Variants in ZGPAT observed in about 807,000 individuals in gnomAD.
ZGPAT encodes zinc finger CCCH-type and G-patch domain containing, also known as zinc finger CCCH-type with G patch domain-containing protein.
In ZGPAT, 39 loss-of-function variants were observed where a neutral mutation model predicts 47.9. That is an observed-to-expected ratio of 0.81 (90% CI 0.63 to 1.06). The LOEUF is 1.06. ZGPAT is among the 50% of genes least tolerant of loss of function. The probability of loss-of-function intolerance (pLI) is 0.00; values close to 1 mark genes in which losing one functional copy is unlikely to be tolerated. For synonymous variants in ZGPAT, 348 were observed against 292.9 expected (o/e 1.19, Z -1.92); for missense variants, 717 against 681.4 (o/e 1.05, Z -0.58).
At chr20:63,720,771 C>T (rs1009534312) in intron 2 of ZGPAT, among the ~76,000 whole-genome samples, 1 of 152,122 alleles carries the variant, frequency 6.6e-6, no homozygotes, top group African/African-American at 2.4e-5. Flanking sequence ...TTCTTTATTT[C>T]CGGTGAATGG....
intron 2 of ZGPAT, among the ~76,000 whole-genome samples, chr20:63,717,183 C>A (rs908425507): frequency 6.6e-6 from 1 of 152,068 alleles, no homozygotes; most frequent in African/African-American, 2.4e-5. Flanking sequence ...TGTTGCTGAT[C>A]TCTATTGTTT....
Position 63,722,642 on chromosome 20 carries a change from AT to A in ZGPAT, c.585-10566del, listed in dbSNP as rs112084216. Among the ~76,000 whole-genome samples, 947 of 146,112 alleles carry A rather than the reference AT, an allele frequency of 6.5e-3. 9 individuals carry two copies. Among genetic ancestry groups the A allele is most frequent in the African/African-American group, 0.02 (795 of 40,048 alleles). ...ACTAACTTAACACTTAAAGTACAGC[AT>A]TTTTTTTTTTATGGAGTTTCACTCT... On this transcript the variant is annotated intron_variant, in intron 2 of 6. Transcript: ENST00000355969.
Position 63,734,793 on chromosome 20 carries a change from C to T in ZGPAT, c.960C>T (p.Leu320=). Reference sequence around the variant, plus strand: ...ACACGCGAGGTATAGGCTCCAGACTCCTCACCAAGATGGGCTATGAGTTTG... The same window carrying T: ...ACACGCGAGGTATAGGCTCCAGACTTCTCACCAAGATGGGCTATGAGTTTG... ...EVHTRGIGSR[L]LTKMGYEFGK... Residue 320 remains leucine, a synonymous_variant, in exon 5 of 7, where the codon CTC becomes CTT. Coordinates refer to ENST00000355969, the MANE Select transcript of ZGPAT (RefSeq NM_181485.3). 3 of 1,608,216 alleles carry T rather than the reference C, an allele frequency of 1.9e-6. No homozygotes were observed. The highest frequency in any genetic ancestry group is 1.7e-6 in the Non-Finnish European group (2 of 1,177,140).
chr20:63,712,179 T>C (rs1352624958), intron 2 of ZGPAT, among the ~76,000 whole-genome samples: 3 of 152,210 alleles, frequency 2.0e-5, no homozygotes, highest in Non-Finnish European at 4.4e-5. Context: ...TTAATTTTTG[T>C]ATATGTTATT....
rs377765852 is a variant in ZGPAT, at chr20:63,733,352, G to T, written c.718G>T (p.Asp240Tyr). ...DGLWHAARIT[D>Y]VDNGYYTVKF... Reference sequence around the variant, plus strand: ...CCTCTGGCACGCAGCACGCATCACCGGTGAGGCTGGCCGTGGGGGCCTCCC... The same window carrying T: ...CCTCTGGCACGCAGCACGCATCACCTGTGAGGCTGGCCGTGGGGGCCTCCC... Residue 240 changes from aspartate to tyrosine, a missense_variant and splice_region_variant, in exon 3 of 7, where the codon GAT becomes TAT. Transcript: ENST00000355969. 2.9e-5 allele frequency: 47 copies of T among 1,609,968 alleles called. No individual in the cohort carries two copies. The highest frequency in any genetic ancestry group is 4.0e-5 in the Non-Finnish European group (47 of 1,179,318).
chr20:63,729,891 C>T (rs982216810), intron 2 of ZGPAT, among the ~76,000 whole-genome samples: 2 of 151,912 alleles, frequency 1.3e-5, no homozygotes, highest in African/African-American at 4.8e-5. Flanking sequence ...CATGGTGGCA[C>T]ACTCCCATAG....
Position 63,722,518 on chromosome 20 carries a change from C to A in ZGPAT, c.585-10701C>A, listed in dbSNP as rs111229171. On this transcript the variant is annotated intron_variant, in intron 2 of 6. Transcript: ENST00000355969. ...ATTTTGGTGATATCCAGCTCTGTTG[C>A]TGAATTTTTAGCTATGCTGTTTTAA... Among the ~76,000 whole-genome samples, 520 of 152,236 alleles carry A rather than the reference C, an allele frequency of 3.4e-3. 4 individuals are homozygous for A. The highest frequency in any genetic ancestry group is 0.012 in the African/African-American group (501 of 41,526).
chr20:63,735,860 G>A lies in ZGPAT; in HGVS notation c.1477G>A (p.Ala493Thr). ...RQLGQLRAQEAGLQQEQRKAD... is the reference protein window; with the variant it reads ...RQLGQLRAQETGLQQEQRKAD... ...GCTGGGGCAGCTCCGGGCTCAGGAA[G>A]CCGGCCTGCAGCAGGAGCAGAGGAA... is the stretch of plus-strand genomic sequence containing the variant. Residue 493 changes from alanine (A) to threonine (T), a missense_variant, in exon 7 of 7, where the codon GCC becomes ACC. Ala to Thr is a moderately conservative substitution (Grantham distance 58, BLOSUM62 0). Transcript: ENST00000355969. 1.2e-6 allele frequency: 2 copies of A among 1,612,900 alleles called. No individual in the cohort carries two copies. Among genetic ancestry groups the A allele is most frequent in the Non-Finnish European group, 1.7e-6 (2 of 1,179,932 alleles).
intron 2 of ZGPAT, among the ~76,000 whole-genome samples, chr20:63,717,249 T>C (rs1337962288): frequency 6.6e-6 from 1 of 152,110 alleles, no homozygotes; most frequent in Non-Finnish European, 1.5e-5. Context: ...TTTCTGCTGG[T>C]TTGGGTTTAA....
intron 2 of ZGPAT, among the ~76,000 whole-genome samples, chr20:63,720,604 A>G (rs1417602343): frequency 1.3e-5 from 2 of 152,106 alleles, no homozygotes; most frequent in Non-Finnish European, 2.9e-5. Flanking sequence ...AGCATGTGCC[A>G]CCATGCCTGG....
In ZGPAT at chr20:63,734,139, C is replaced by G. The variant is rs6011069; in HGVS notation, c.871+400C>G. On this transcript the variant is annotated intron_variant, in intron 4 of 6. Coordinates refer to ENST00000355969, the MANE Select transcript of ZGPAT (RefSeq NM_181485.3). ...GCAGACAGAGGTTGTGTCCAGACAGCCAGCATGGAAGTTTCGGGAATGGGA... is the reference window on the plus strand; with the variant it reads ...GCAGACAGAGGTTGTGTCCAGACAGGCAGCATGGAAGTTTCGGGAATGGGA... The G allele has an allele frequency of 5.0e-5, 14 of 278,550 alleles. 1 individual carries two copies. The highest frequency in any genetic ancestry group is 3.1e-4 in the African/African-American group (14 of 44,966). The allele number at this position is 278,550 out of a possible 1,614,324, so 17.3% of individuals were successfully genotyped here. A position where few individuals can be genotyped will look rare whatever the true frequency, so the allele number is the denominator to read the frequency against.
chr20:63,711,444 G>A (rs2091666764), intron 2 of ZGPAT, among the ~76,000 whole-genome samples: 1 of 152,162 alleles, frequency 6.6e-6, no homozygotes, highest in Admixed American at 6.6e-5. Flanking sequence ...GGCTCAGAGG[G>A]CTCCGGTTGC....
chr20:63,709,718 A>G (rs1200129668), intron 2 of ZGPAT, among the ~76,000 whole-genome samples: 2 of 151,896 alleles, frequency 1.3e-5, no homozygotes, highest in African/African-American at 4.8e-5. Flanking sequence ...TTACTTTGTC[A>G]ACCAGGCTGG....
chr20:63,732,409 C>CGCGCATGTGTGTGGGTGAGGGCGT (rs767320496), intron 2 of ZGPAT, among the ~76,000 whole-genome samples: 1 of 137,252 alleles, frequency 7.3e-6, no homozygotes, highest in Non-Finnish European at 1.5e-5. Context: ...CCTGTGTGTG[C>CGCGCATGTGTGTGGGTGAGGGCGT]GTGTGTGTGG....
chr20:63,728,021 C>A (rs901746115), intron 2 of ZGPAT, among the ~76,000 whole-genome samples: 1 of 149,954 alleles, frequency 6.7e-6, no homozygotes, highest in African/African-American at 2.4e-5. Flanking sequence ...GATATCTCTG[C>A]TCAGATTTTT....
At chr20:63,735,731 G>A in intron 6 of ZGPAT, 50 bp from the exon 7 acceptor site, 1 of 1,558,014 alleles carries the variant, frequency 6.4e-7, no homozygotes, top group Non-Finnish European at 8.7e-7. Context: ...GCAGACTGGG[G>A]TTGGTGGCAT....
chr20:63,733,682 G>C lies in ZGPAT; in HGVS notation c.814G>C (p.Glu272Gln), dbSNP rs200268567. 194 of 1,613,800 alleles carry C rather than the reference G, an allele frequency of 1.2e-4. No individual in the cohort carries two copies. Among genetic ancestry groups the C allele is most frequent in the Non-Finnish European group, 1.4e-4 (170 of 1,180,006 alleles). ...CGGCATCCTGCCCCCACTGCGCACA[G>C]AGGCCACAGAGTCCGACTCAGACAG... ...GDGILPPLRTEATESDSDSDG... is the reference protein window; with the variant it reads ...GDGILPPLRTQATESDSDSDG... The change falls in exon 4 of 7, where the codon GAG becomes CAG. Residue 272 changes from glutamate to glutamine, a missense_variant. Physicochemically the swap from Glu to Gln is conservative, Grantham distance 29. Transcript: ENST00000355969.
chr20:63,720,302 C>T lies in ZGPAT; in HGVS notation c.584+11138C>T, dbSNP rs1044578123. 6.6e-5 allele frequency among the ~76,000 whole-genome samples: 10 copies of T among 151,806 alleles called. No homozygotes were observed. The South Asian group carries it at 8.3e-4, about 13-fold the overall frequency. Reference sequence around the variant, plus strand: ...TCCTGAGTAGCTGGGACTATAGGTGCGTGCCACCACTCCTGGCTAATTTTT... The same window carrying T: ...TCCTGAGTAGCTGGGACTATAGGTGTGTGCCACCACTCCTGGCTAATTTTT... On this transcript the variant is annotated intron_variant, in intron 2 of 6. Coordinates refer to ENST00000355969, the MANE Select transcript of ZGPAT (RefSeq NM_181485.3).
chr20:63,716,903 G>A (rs887043059), intron 2 of ZGPAT, among the ~76,000 whole-genome samples: 2 of 151,922 alleles, frequency 1.3e-5, no homozygotes, highest in African/African-American at 2.4e-5. Context: ...GCTGGTCTTG[G>A]ACTCCCTACC....
Sources: allele counts gnomAD v4.1 joint callset (sites outside exome capture counted in the v4.1 genomes callset), GRCh38; gene constraint gnomAD v4.1.1; transcripts MANE v1.5; gene names NCBI Gene and HGNC (gene_info 2026-07-23, HGNC 2026-07-21).